The following WDFY4 variants were observed in gnomAD, a reference collection of about 807,000 sequenced individuals.
The protein encoded by WDFY4 is WDFY family member 4, also known as WD repeat- and FYVE domain-containing protein 4.
A neutral mutation model predicts 351.9 loss-of-function variants in WDFY4; 169 were observed. The observed-to-expected ratio is 0.48, with a 90% CI of 0.42 to 0.55. The LOEUF is 0.55. WDFY4 is among the 20% of genes least tolerant of loss of function. The pLI is 0.00. For synonymous variants in WDFY4, 1,622 were observed against 1,574.6 expected (o/e 1.03, Z -0.71); for missense variants, 3,803 against 3,935.6 (o/e 0.97, Z 0.90).
At chr10:48,829,111 A>G (rs181724141) in intron 37 of WDFY4, among the ~76,000 whole-genome samples, 72 of 152,330 alleles carry the variant, frequency 4.7e-4, no homozygotes, top group African/African-American at 1.6e-3. Context: ...GGTAGAAAGT[A>G]ACACTGGATT....
chr10:48,787,757 T>C (rs1320327809), intron 20 of WDFY4, among the ~76,000 whole-genome samples: 2 of 150,784 alleles, frequency 1.3e-5, no homozygotes, highest in Non-Finnish European at 2.9e-5. Flanking sequence ...CTTGGGAGAG[T>C]TCGCCACAGT....
intron 20 of WDFY4, among the ~76,000 whole-genome samples, 198 bp from the exon 21 acceptor site, chr10:48,788,332 G>A (rs78105422): frequency 0.053 from 8,021 of 152,104 alleles, 330 homozygotes; most frequent in Middle Eastern, 0.16. Context: ...CCCAGCCCAC[G>A]GTTTTCTATA....
At position 48,778,726 on chromosome 10, in the gene WDFY4, C is replaced by T. The variant is rs1162801238; in HGVS notation, c.3291C>T (p.Arg1097=). 2.6e-6 allele frequency: 4 copies of T among 1,551,662 alleles called. No homozygotes were observed. The highest frequency in any genetic ancestry group is 3.5e-6 in the Non-Finnish European group (4 of 1,147,012). ...CGCTGCGCTTCCTGACGTTGGTGCG[C>T]CACCTGGCCAGGACTGAGCAACCCT... ...GHPLRFLTLV[R]HLARTEQPFV... The change falls in exon 18 of 62, where the codon CGC becomes CGT. Residue 1097 remains arginine, a synonymous_variant. Coordinates refer to ENST00000325239, the MANE Select transcript of WDFY4 (RefSeq NM_001394531.1).
At chr10:48,879,517 A>G (rs1166639703) in intron 43 of WDFY4, among the ~76,000 whole-genome samples, 1 of 152,244 alleles carries the variant, frequency 6.6e-6, no homozygotes, top group African/African-American at 2.4e-5. Context: ...TCTCTGCCAG[A>G]AGAAATTACC....
At chr10:48,800,735 T>TTCTTTC (rs1589643904) in intron 24 of WDFY4, among the ~76,000 whole-genome samples, 1 of 143,462 alleles carries the variant, frequency 7.0e-6, no homozygotes. Flanking sequence ...TCTTTCTTTT[T>TTCTTTC]TTTTTTTTTT....
intron 39 of WDFY4, among the ~76,000 whole-genome samples, chr10:48,841,395 T>A (rs1309234098): frequency 6.6e-6 from 1 of 152,088 alleles, no homozygotes; most frequent in Non-Finnish European, 1.5e-5. Flanking sequence ...ATATCACAAC[T>A]GATTTTTTTT....
At chr10:48,850,391 G>T (rs1374007380) in intron 39 of WDFY4, among the ~76,000 whole-genome samples, 1 of 151,528 alleles carries the variant, frequency 6.6e-6, no homozygotes, top group Non-Finnish European at 1.5e-5. Context: ...TTGTAATTTG[G>T]GCTATCATCC....
intron 34 of WDFY4, among the ~76,000 whole-genome samples, chr10:48,821,567 A>G (rs1311103766): frequency 6.6e-6 from 1 of 152,228 alleles, no homozygotes; most frequent in African/African-American, 2.4e-5. Flanking sequence ...TTCTTAAACA[A>G]TGAACCTGGA....
At chr10:48,735,615 T>C (rs938064018) in intron 10 of WDFY4, among the ~76,000 whole-genome samples, 12 of 152,074 alleles carry the variant, frequency 7.9e-5, no homozygotes, top group African/African-American at 2.9e-4. Context: ...GGGGAGATGT[T>C]AGTCATTTTT....
chr10:48,810,479 G>T (rs981232287), intron 28 of WDFY4, 51 bp from the exon 29 acceptor site: 15 of 1,497,152 alleles, frequency 1.0e-5, no homozygotes, highest in Non-Finnish European at 1.3e-5. Flanking sequence ...TTCTGGACAT[G>T]TCACTCGCTC....
chr10:48,799,746 C>T (rs1246903602), intron 24 of WDFY4, among the ~76,000 whole-genome samples: 1 of 152,200 alleles, frequency 6.6e-6, no homozygotes, highest in African/African-American at 2.4e-5. Context: ...GCATTCCAGC[C>T]TGGGCGACAA....
intron 31 of WDFY4, among the ~76,000 whole-genome samples, chr10:48,816,844 C>T (rs1254555438): frequency 1.3e-5 from 2 of 152,138 alleles, no homozygotes; most frequent in Admixed American, 1.3e-4. Context: ...TAAGATCTAA[C>T]ATGTATGTAT....
chr10:48,938,665 G>A (rs934895470), intron 47 of WDFY4, among the ~76,000 whole-genome samples: 1 of 152,212 alleles, frequency 6.6e-6, no homozygotes, highest in Non-Finnish European at 1.5e-5. Context: ...GTGGGGTAGG[G>A]AAGGCCCTAA....
At chr10:48,778,987 G>A (rs1362320745) in intron 18 of WDFY4, among the ~76,000 whole-genome samples, 155 bp downstream of exon 18, 1 of 152,228 alleles carries the variant, frequency 6.6e-6, no homozygotes, top group African/African-American at 2.4e-5. Context: ...CCTGGTGAAA[G>A]GTCTACAATA....
chr10:48,860,410 A>C (rs370860570), intron 39 of WDFY4, among the ~76,000 whole-genome samples: 1 of 152,156 alleles, frequency 6.6e-6, no homozygotes, highest in Admixed American at 6.5e-5. Flanking sequence ...CTCCTGGCTT[A>C]CTGAAGGCTG....
chr10:48,814,203 G>A, intron 31 of WDFY4, 121 bp downstream of exon 31: 1 of 1,321,504 alleles, frequency 7.6e-7, no homozygotes, highest in Non-Finnish European at 1.0e-6. Flanking sequence ...GCCAGATCCT[G>A]TAGAAGAGGT....
In WDFY4 at chr10:48,974,973, C is replaced by T. The variant is rs1293272894; in HGVS notation, c.9040C>T (p.Leu3014Phe). The T allele has an allele frequency of 1.3e-6, 2 of 1,551,560 alleles. No individual in the cohort carries two copies. The highest frequency in any genetic ancestry group is 2.4e-5 in the East Asian group (1 of 40,934). The stretch of plus-strand genomic sequence containing the variant: ...CTGTATCCTGTGGGATCTGGACCAC[C>T]TCACCCACGTGACCCGCCTGCCCGC... ...CTCILWDLDH[L>F]THVTRLPAHR... The change falls in exon 58 of 62, where the codon CTC becomes TTC. Residue 3014 changes from leucine (L) to phenylalanine (F), a missense_variant. Physicochemically the swap from Leu to Phe is conservative, Grantham distance 22. Transcript: ENST00000325239.
intron 12 of WDFY4, among the ~76,000 whole-genome samples, chr10:48,758,814 C>G (rs990118543): frequency 2.6e-5 from 4 of 152,142 alleles, no homozygotes; most frequent in African/African-American, 9.7e-5. Flanking sequence ...TTCACTCTTA[C>G]TTCTTGGAAT....
intron 17 of WDFY4, 66 bp from the exon 18 acceptor site, chr10:48,778,545 G>C: frequency 2.7e-6 from 4 of 1,478,834 alleles, no homozygotes; most frequent in Non-Finnish European, 3.7e-6. Flanking sequence ...GCACCATAGT[G>C]AATCTGAACA....
Sources: allele counts gnomAD v4.1 joint callset (sites outside exome capture counted in the v4.1 genomes callset), GRCh38; gene constraint gnomAD v4.1.1; transcripts MANE v1.5; gene names NCBI Gene and HGNC (gene_info 2026-07-23, HGNC 2026-07-21).